NIBAN1: variants seen among roughly 807,000 people sequenced by gnomAD.
NIBAN1 encodes protein Niban 1.
NIBAN1 carries 81 observed loss-of-function variants against 75.1 expected under a neutral mutation model. That is an observed-to-expected ratio of 1.08 (90% confidence interval 0.90 to 1.30). The LOEUF is 1.30. Among genes scored for constraint, NIBAN1 ranks in the 50% most tolerant of loss-of-function variants. The probability of loss-of-function intolerance (pLI) is 0.00; values close to 1 mark genes in which losing one functional copy is unlikely to be tolerated. For missense variants in NIBAN1, 1,133 were observed against 1,128.1 expected, an observed-to-expected ratio of 1.00 and a Z score of -0.06; for synonymous variants, 436 against 424.8, an observed-to-expected ratio of 1.03 and a Z score of -0.32.
At chr1:184,967,219 C>CTCTCTG (rs943604211) in intron 1 of NIBAN1, among the ~76,000 whole-genome samples, 4 of 151,140 alleles carry the variant, frequency 2.6e-5, no homozygotes, top group Admixed American at 6.6e-5. Flanking sequence ...CTCTCTCTCT[C>CTCTCTG]TGTGTGTGTG....
intron 5 of NIBAN1, among the ~76,000 whole-genome samples, chr1:184,834,872 G>T (rs1655096594): frequency 2.0e-5 from 3 of 152,152 alleles, no homozygotes; most frequent in Admixed American, 6.6e-5. Context: ...GGTCCCATTT[G>T]TCTATTTTGG....
chr1:184,957,587 A>G (rs1229738168), intron 1 of NIBAN1, among the ~76,000 whole-genome samples: 2 of 152,254 alleles, frequency 1.3e-5, no homozygotes, highest in Admixed American at 6.5e-5. Context: ...GCCTGATGCC[A>G]TTACTGATAG....
chr1:184,822,401 T>C (rs981646730), intron 8 of NIBAN1, among the ~76,000 whole-genome samples: 2 of 152,208 alleles, frequency 1.3e-5, no homozygotes, highest in African/African-American at 4.8e-5. Context: ...AAGGTCTCAG[T>C]TCCAACTATT....
intron 1 of NIBAN1, among the ~76,000 whole-genome samples, chr1:184,932,176 A>T (rs2102034055): frequency 6.6e-6 from 1 of 152,308 alleles, no homozygotes; most frequent in Non-Finnish European, 1.5e-5. Flanking sequence ...TTTTCCATGG[A>T]CCAGGGTTGG....
intron 1 of NIBAN1, among the ~76,000 whole-genome samples, chr1:184,917,575 C>T (rs1229321667): frequency 6.6e-6 from 1 of 151,940 alleles, no homozygotes; most frequent in African/African-American, 2.4e-5. Context: ...CTTCTCCACC[C>T]TCCCTTTACT....
intron 1 of NIBAN1, among the ~76,000 whole-genome samples, chr1:184,901,911 G>A (rs1656966038): frequency 6.6e-6 from 1 of 152,130 alleles, no homozygotes; most frequent in Non-Finnish European, 1.5e-5. Flanking sequence ...CTAATAACTA[G>A]TTCAAACTAT....
intron 1 of NIBAN1, among the ~76,000 whole-genome samples, chr1:184,962,652 G>A (rs1049893146): frequency 1.3e-5 from 2 of 152,110 alleles, no homozygotes; most frequent in Non-Finnish European, 2.9e-5. Context: ...ATACCAGATG[G>A]CAAGGAAGCT....
At chr1:184,907,965 C>T (rs187663982) in intron 1 of NIBAN1, among the ~76,000 whole-genome samples, 2 of 152,276 alleles carry the variant, frequency 1.3e-5, no homozygotes, top group East Asian at 3.9e-4. Flanking sequence ...GAGAAACAAA[C>T]AAACACTTAT....
intron 9 of NIBAN1, among the ~76,000 whole-genome samples, chr1:184,815,377 C>A (rs1654498549): frequency 6.6e-6 from 1 of 152,172 alleles, no homozygotes; most frequent in Non-Finnish European, 1.5e-5. Context: ...GAGACTTGAA[C>A]TTTGGGTCCA....
chr1:184,892,693 G>A (rs1408501011), intron 3 of NIBAN1, among the ~76,000 whole-genome samples: 1 of 152,174 alleles, frequency 6.6e-6, no homozygotes, highest in Non-Finnish European at 1.5e-5. Flanking sequence ...GAAGGAAACA[G>A]ATTGGTCTGT....
At chr1:184,960,791 C>T (rs575270645) in intron 1 of NIBAN1, among the ~76,000 whole-genome samples, 73 of 152,138 alleles carry the variant, frequency 4.8e-4, no homozygotes, top group African/African-American at 1.5e-3. Context: ...CCACCACACC[C>T]GGCTAATTTT....
chr1:184,798,263 G>A (rs1020293839), intron 12 of NIBAN1, 73 bp from the exon 13 acceptor site: 27 of 896,108 alleles, frequency 3.0e-5, no homozygotes, highest in Non-Finnish European at 4.6e-5. Flanking sequence ...ATACAGAAAG[G>A]ACGATTCCCA....
At chr1:184,927,214 G>A (rs538705421) in intron 1 of NIBAN1, among the ~76,000 whole-genome samples, 4 of 152,108 alleles carry the variant, frequency 2.6e-5, no homozygotes, top group Non-Finnish European at 5.9e-5. Context: ...CTTGATGCTT[G>A]TGGATGTTCA....
intron 12 of NIBAN1, among the ~76,000 whole-genome samples, chr1:184,799,128 G>A (rs1653959021): frequency 6.6e-6 from 1 of 151,722 alleles, no homozygotes; most frequent in Non-Finnish European, 1.5e-5. Context: ...TGCCATGCTG[G>A]TGCGCTGCAC....
At chr1:184,972,701 C>T (rs766766841) in intron 1 of NIBAN1, among the ~76,000 whole-genome samples, 2 of 152,156 alleles carry the variant, frequency 1.3e-5, no homozygotes, top group Admixed American at 6.6e-5. Context: ...CTAACTCCCT[C>T]GTACTTTTGT....
chr1:184,888,483 C>A (rs940258310), intron 4 of NIBAN1, among the ~76,000 whole-genome samples: 1 of 152,180 alleles, frequency 6.6e-6, no homozygotes, highest in Admixed American at 6.5e-5. Context: ...ATCTCTCAAC[C>A]TTTTACAACA....
chr1:184,946,122 G>T (rs1405143574), intron 1 of NIBAN1, among the ~76,000 whole-genome samples: 1 of 152,162 alleles, frequency 6.6e-6, no homozygotes, highest in African/African-American at 2.4e-5. Context: ...CATTCTAATG[G>T]TTATGTTAGG....
At position 184,884,800 on chromosome 1, in the gene NIBAN1, G is replaced by A. The variant is rs769213100; in HGVS notation, c.434C>T (p.Ala145Val). ...LSDRHFPDPL[A>V]SSEKENTQPF... The stretch of plus-strand genomic sequence containing the variant: ...CTGAGTGTTCTCCTTCTCACTGGAG[G>A]CTAAAGAAATATTGAAAACACAAAT... Residue 145 changes from alanine to valine, a missense_variant and splice_region_variant, in exon 5 of 14, where the codon GCC becomes GTC. By Grantham distance (64) the Ala-to-Val change is moderately conservative (BLOSUM62 0). Transcript: ENST00000367511. The A allele has an allele frequency of 1.2e-6, 2 of 1,612,792 alleles. No individual in the cohort carries two copies. Among genetic ancestry groups the A allele is most frequent in the Non-Finnish European group, 1.7e-6 (2 of 1,179,500 alleles).
At chr1:184,905,382 A>G (rs1240464669) in intron 1 of NIBAN1, among the ~76,000 whole-genome samples, 1 of 152,178 alleles carries the variant, frequency 6.6e-6, no homozygotes, top group Non-Finnish European at 1.5e-5. Context: ...CTGGACTGGC[A>G]GCTTTCATTT....
Sources: allele counts gnomAD v4.1 joint callset (sites outside exome capture counted in the v4.1 genomes callset), GRCh38; gene constraint gnomAD v4.1.1; transcripts MANE v1.5; gene names NCBI Gene and HGNC (gene_info 2026-07-23, HGNC 2026-07-21).